AGBL4: variants seen among roughly 807,000 people sequenced by gnomAD.
AGBL4 encodes the protein cytosolic carboxypeptidase 6.
AGBL4 carries 58 observed loss-of-function variants against 66.4 expected under a neutral mutation model. That is an observed-to-expected ratio of 0.87 (90% confidence interval 0.71 to 1.09). The LOEUF is 1.09. AGBL4 is among the 50% of genes least tolerant of loss of function. The pLI is 0.00. For missense variants in AGBL4, 579 were observed against 631.0 expected (o/e 0.92, Z 0.88); for synonymous variants, 234 against 222.9 (o/e 1.05, Z -0.44).
At chr1:48,553,098 T>G (rs1314653835) in intron 11 of AGBL4, among the ~76,000 whole-genome samples, 1 of 152,118 alleles carries the variant, frequency 6.6e-6, no homozygotes. Context: ...ACTTGCCTCA[T>G]GGCTTCCTCA....
At chr1:49,283,268 C>A (rs940621481) in intron 3 of AGBL4, among the ~76,000 whole-genome samples, 4 of 152,176 alleles carry the variant, frequency 2.6e-5, no homozygotes, top group Admixed American at 6.5e-5. Context: ...CACACTGACA[C>A]CTCACACGGC....
chr1:49,948,205 A>AACT (rs1655605267), intron 1 of AGBL4, among the ~76,000 whole-genome samples: 3 of 100,010 alleles, frequency 3.0e-5, no homozygotes, highest in Non-Finnish European at 5.2e-5. Context: ...TATAAATATA[A>AACT]ATATATAAAT....
intron 4 of AGBL4, among the ~76,000 whole-genome samples, chr1:49,173,109 A>C (rs960509766): frequency 6.6e-6 from 1 of 152,096 alleles, no homozygotes; most frequent in Non-Finnish European, 1.5e-5. Context: ...ACAAGAGTGA[A>C]ACTCTGTCTC....
intron 3 of AGBL4, among the ~76,000 whole-genome samples, chr1:49,505,188 C>T (rs546815085): frequency 6.6e-5 from 10 of 151,902 alleles, no homozygotes; most frequent in Non-Finnish European, 1.3e-4. Flanking sequence ...ATATATATCC[C>T]TTAAAAAGTA....
intron 3 of AGBL4, among the ~76,000 whole-genome samples, chr1:49,275,991 C>T (rs371853507): frequency 1.6e-4 from 25 of 152,176 alleles, no homozygotes; most frequent in Middle Eastern, 3.4e-3. Context: ...ATTGCCACTG[C>T]AATCTGAAGA....
chr1:49,663,133 T>C (rs1646301611), intron 3 of AGBL4, among the ~76,000 whole-genome samples: 1 of 152,148 alleles, frequency 6.6e-6, no homozygotes, highest in Admixed American at 6.6e-5. Flanking sequence ...TCTGAAAAGT[T>C]ATTTACTAAA....
rs567818238 is a variant in AGBL4, at chr1:49,213,258, T to G, written c.377+32512A>C. 2.0e-5 allele frequency among the ~76,000 whole-genome samples: 3 copies of G among 152,272 alleles called. No individual in the cohort carries two copies. In the South Asian group the frequency reaches 6.2e-4, roughly 32 times the overall value. On this transcript the variant is annotated intron_variant, in intron 4 of 13. Coordinates refer to ENST00000371839, the MANE Select transcript of AGBL4 (RefSeq NM_032785.4). Reference sequence around the variant, plus strand: ...CATCTACATTTATCTTAGGCTTACCTTTCTTGATTAGCAGAGATATTGACT... The same window carrying G: ...CATCTACATTTATCTTAGGCTTACCGTTCTTGATTAGCAGAGATATTGACT...
intron 4 of AGBL4, among the ~76,000 whole-genome samples, chr1:49,084,105 AGTCTCT>A: frequency 3.9e-5 from 1 of 25,464 alleles, no homozygotes; most frequent in African/African-American, 2.6e-4. Flanking sequence ...AGCCATTCAG[AGTCTCT>A]AGGAAGTTCC....
chr1:48,645,108 T>TGGGGG (rs1645814397), intron 8 of AGBL4, among the ~76,000 whole-genome samples: 1 of 152,214 alleles, frequency 6.6e-6, no homozygotes, highest in Non-Finnish European at 1.5e-5. Flanking sequence ...GGAACCTGGC[T>TGGGGG]GGGAAGCTCA....
intron 4 of AGBL4, among the ~76,000 whole-genome samples, chr1:49,063,608 T>C (rs1418045800): frequency 6.6e-6 from 1 of 152,202 alleles, no homozygotes; most frequent in African/African-American, 2.4e-5. Flanking sequence ...TCTGTTTTTA[T>C]GGGCGAGAAC....
At chr1:49,766,442 T>A (rs1652737494) in intron 2 of AGBL4, among the ~76,000 whole-genome samples, 1 of 152,094 alleles carries the variant, frequency 6.6e-6, no homozygotes, top group Non-Finnish European at 1.5e-5. Context: ...AAGGGAGTTC[T>A]AAACCTGGAA....
At chr1:49,472,366 T>C (rs2148714053) in intron 3 of AGBL4, among the ~76,000 whole-genome samples, 1 of 152,224 alleles carries the variant, frequency 6.6e-6, no homozygotes, top group South Asian at 2.1e-4. Flanking sequence ...ATATGGCAGA[T>C]ATTTAGAATT....
intron 3 of AGBL4, among the ~76,000 whole-genome samples, chr1:49,429,664 C>T (rs1441997053): frequency 2.0e-5 from 3 of 151,968 alleles, no homozygotes; most frequent in African/African-American, 7.3e-5. Flanking sequence ...AAAATAAGAA[C>T]CTTATCTTAT....
chr1:49,323,770 GAA>G (rs74260635), intron 3 of AGBL4, among the ~76,000 whole-genome samples: 67 of 125,078 alleles, frequency 5.4e-4, no homozygotes, highest in African/African-American at 1.3e-3. Flanking sequence ...CCCCGTTTCA[GAA>G]AAAAAAAAAA....
At chr1:49,355,078 A>C (rs981481855) in intron 3 of AGBL4, among the ~76,000 whole-genome samples, 10 of 152,202 alleles carry the variant, frequency 6.6e-5, no homozygotes, top group Non-Finnish European at 1.3e-4. Context: ...CCATGCAGAC[A>C]CGGGGAGAAA....
intron 6 of AGBL4, among the ~76,000 whole-genome samples, chr1:48,837,749 A>G (rs1054170628): frequency 7.2e-6 from 1 of 138,200 alleles, no homozygotes; most frequent in African/African-American, 2.6e-5. Flanking sequence ...ATATCCTGTT[A>G]GTTCTGTCTC....
intron 2 of AGBL4, among the ~76,000 whole-genome samples, chr1:49,810,869 G>GAC (rs775709415): frequency 1.4e-4 from 21 of 152,130 alleles, no homozygotes; most frequent in Non-Finnish European, 2.9e-4. Flanking sequence ...TGAAAAGGTA[G>GAC]ACACCTGAGG....
intron 6 of AGBL4, among the ~76,000 whole-genome samples, chr1:48,735,968 C>T (rs1471112332): frequency 6.6e-6 from 1 of 152,184 alleles, no homozygotes; most frequent in Non-Finnish European, 1.5e-5. Context: ...GGTATCCTCC[C>T]CTCCTGAGAA....
At chr1:49,584,700 C>G (rs896411758) in intron 3 of AGBL4, among the ~76,000 whole-genome samples, 6 of 152,246 alleles carry the variant, frequency 3.9e-5, no homozygotes, top group African/African-American at 1.2e-4. Flanking sequence ...GGTTCAAGAC[C>G]TTTAAAGGAC....
Sources: gnomAD v4.1 joint callset for allele counts (sites outside exome capture counted in the v4.1 genomes callset) on GRCh38, gnomAD v4.1.1 for gene constraint, MANE v1.5 for transcripts, NCBI Gene and HGNC (gene_info 2026-07-23, HGNC 2026-07-21) for gene names.